Variants in IFT140 observed in about 807,000 individuals in gnomAD.
The protein encoded by IFT140 is intraflagellar transport 140, also known as intraflagellar transport protein 140 homolog.
A neutral mutation model predicts 164.6 loss-of-function variants in IFT140; 133 were observed. That is an observed-to-expected ratio of 0.81 (90% confidence interval 0.70 to 0.93). The LOEUF (loss-of-function observed/expected upper bound fraction) is 0.93, where lower values mean the gene tolerates loss of function less well. Ranked by LOEUF, IFT140 falls within the 40% of genes least tolerant of loss-of-function variation. IFT140 has a pLI of 0.00. For missense variants in IFT140, 2,045 were observed against 1,972.3 expected (o/e 1.04, Z -0.70); for synonymous variants, 860 against 817.3 (o/e 1.05, Z -0.89).
chr16:1,524,184 C>A lies in IFT140; in HGVS notation c.3142-228G>T, dbSNP rs112036444. 28 of 637,220 alleles carry A rather than the reference C, an allele frequency of 4.4e-5. No individual in the cohort carries two copies. The East Asian group carries it at 7.1e-4, about 16-fold the overall frequency. The allele number at this position is 637,220 out of a possible 1,614,324, so 39.5% of individuals were successfully genotyped here. ...AGAGCACTGCAAGAAATACCTGACA[C>A]GGGAGATGCTTCTGGAAGCGAGAGC... On this transcript the variant is annotated intron_variant, in intron 24 of 30. Coordinates refer to ENST00000426508, the MANE Select transcript of IFT140 (RefSeq NM_014714.4).
chr16:1,528,030 C>A lies in IFT140; in HGVS notation c.2400-1234G>T, dbSNP rs543279046. The stretch of plus-strand genomic sequence containing the variant: ...ATGACGCTGCATGAGAACCGTGTGT[C>A]CGCATGTGTGTGGGGGCACTCAGCC... On this transcript the variant is annotated intron_variant, in intron 19 of 30. Transcript: ENST00000426508. Among the ~76,000 whole-genome samples, 5 of 152,332 alleles carry A rather than the reference C, an allele frequency of 3.3e-5. No homozygotes were observed. In the South Asian group the frequency reaches 8.3e-4, roughly 25 times the overall value.
intron 19 of IFT140, 72 bp downstream of exon 19, chr16:1,557,863 G>T (rs2033185807): frequency 6.9e-7 from 1 of 1,455,532 alleles, no homozygotes; most frequent in Non-Finnish European, 9.6e-7. Context: ...GAACCAAGAA[G>T]GCAAACAGGG....
At chr16:1,520,834 G>A in intron 26 of IFT140, 26 bp from the exon 27 acceptor site, 1 of 1,588,078 alleles carries the variant, frequency 6.3e-7, no homozygotes, top group Non-Finnish European at 8.5e-7. Flanking sequence ...AATGGGACGG[G>A]GCTGCCGAGG....
intron 19 of IFT140, chr16:1,534,687 C>A: frequency 7.4e-7 from 1 of 1,345,628 alleles, no homozygotes; most frequent in East Asian, 2.3e-5. Context: ...GGCCTCTGGG[C>A]AGGCAGGAGG....
intron 20 of IFT140, 46 bp downstream of exon 20, chr16:1,526,573 G>C: frequency 6.9e-7 from 1 of 1,450,962 alleles, no homozygotes; most frequent in Non-Finnish European, 9.0e-7. Context: ...CGTGGCTGTG[G>C]CAGGCGTGGT....
chr16:1,581,066 T>C (rs1215339148), intron 12 of IFT140, among the ~76,000 whole-genome samples: 2 of 152,204 alleles, frequency 1.3e-5, no homozygotes, highest in African/African-American at 4.8e-5. Flanking sequence ...GTGCGGGTCC[T>C]GGGCTGATGT....
At chr16:1,557,848 C>T in intron 19 of IFT140, 87 bp downstream of exon 19, 1 of 1,311,990 alleles carries the variant, frequency 7.6e-7, no homozygotes, top group Non-Finnish European at 1.1e-6. Context: ...AATATTTCAA[C>T]AGGCGAACCA....
Position 1,518,218 on chromosome 16 carries a change from T to A in IFT140, c.4180A>T (p.Thr1394Ser), listed in dbSNP as rs1459983818. ...EHYVRKEEYQ[T>S]AYRFLEEMRR... ...AGTGAGCAGCACTCAGGCCTCACCGTCTGGTATTCCTCCTTCCGCACGTAG... is the reference window on the plus strand; with the variant it reads ...AGTGAGCAGCACTCAGGCCTCACCGACTGGTATTCCTCCTTCCGCACGTAG... The change falls in exon 30 of 31, where the codon ACG becomes TCG. Residue 1394 changes from threonine (T) to serine (S), a missense_variant and splice_region_variant. Transcript: ENST00000426508. 6.2e-7 allele frequency: 1 copy of A among 1,612,352 alleles called. No homozygotes were observed. The highest frequency in any genetic ancestry group is 8.5e-7 in the Non-Finnish European group (1 of 1,179,610).
At chr16:1,581,274 C>G (rs2034543016) in intron 12 of IFT140, among the ~76,000 whole-genome samples, 1 of 152,174 alleles carries the variant, frequency 6.6e-6, no homozygotes, top group South Asian at 2.1e-4. Context: ...TTTTTGCCAT[C>G]AACCACAATT....
chr16:1,570,045 T>C (rs1182014703), intron 14 of IFT140, among the ~76,000 whole-genome samples: 1 of 152,212 alleles, frequency 6.6e-6, no homozygotes, highest in African/African-American at 2.4e-5. Context: ...CCCTGCCATC[T>C]TTATGAGGTT....
chr16:1,566,360 G>C (rs139008917), intron 15 of IFT140, 69 bp from the exon 16 acceptor site: 1,285 of 1,516,794 alleles, frequency 8.5e-4, no homozygotes, highest in Non-Finnish European at 1.1e-3. Flanking sequence ...GCTGTGCTAG[G>C]GGACTGACAC....
chr16:1,558,001 T>A lies in IFT140; in HGVS notation c.2333A>T (p.His778Leu), dbSNP rs1281988427. The A allele has an allele frequency of 6.2e-7, 1 of 1,613,944 alleles. No individual in the cohort carries two copies. Among genetic ancestry groups the A allele is most frequent in the Admixed American group, 1.7e-5 (1 of 60,022 alleles). Reference sequence around the variant, plus strand: ...TCCTATGGTGACAAAGAAGCTGAAGTGGAGCATGGCGTCCCGGGTGGCCTT... The same window carrying A: ...TCCTATGGTGACAAAGAAGCTGAAGAGGAGCATGGCGTCCCGGGTGGCCTT... ...CDKATRDAMLHFSFFVTIGDM... is the reference protein window; with the variant it reads ...CDKATRDAMLLFSFFVTIGDM... Residue 778 changes from histidine (H) to leucine (L), a missense_variant, in exon 19 of 31, where the codon CAC (histidine) becomes CTC (leucine). Coordinates refer to ENST00000426508, the MANE Select transcript of IFT140 (RefSeq NM_014714.4).
intron 26 of IFT140, among the ~76,000 whole-genome samples, chr16:1,521,505 C>T (rs2040525744): frequency 6.6e-6 from 1 of 152,106 alleles, no homozygotes; most frequent in Admixed American, 6.5e-5. Flanking sequence ...TCTCCTGCCT[C>T]AGCCTACCAA....
chr16:1,606,812 T>TACACACACGCACCACACGC (rs2036084726), intron 3 of IFT140, among the ~76,000 whole-genome samples: 2 of 151,610 alleles, frequency 1.3e-5, no homozygotes, highest in South Asian at 2.1e-4. Flanking sequence ...CGTTTGAAAA[T>TACACACACGCACCACACGC]ACACACACGC....
At chr16:1,588,136 G>A in intron 7 of IFT140, 112 bp from the exon 8 acceptor site, 1 of 778,730 alleles carries the variant, frequency 1.3e-6, no homozygotes, top group South Asian at 1.7e-5. Context: ...CTCACCAAGT[G>A]GGGGAAACAT....
intron 16 of IFT140, among the ~76,000 whole-genome samples, chr16:1,565,687 G>C (rs1280970392): frequency 1.3e-5 from 2 of 152,224 alleles, no homozygotes; most frequent in African/African-American, 4.8e-5. Flanking sequence ...ACTTTGTGCA[G>C]AATCAGCCAT....
chr16:1,585,863 T>G lies in IFT140; in HGVS notation c.1155+267A>C, dbSNP rs571264699. Among the ~76,000 whole-genome samples, 3 of 149,360 alleles carry G rather than the reference T, an allele frequency of 2.0e-5. No homozygotes were observed. In the East Asian group the frequency reaches 6.1e-4, roughly 31 times the overall value. On this transcript the variant is annotated intron_variant, in intron 10 of 30. Transcript: ENST00000426508. ...TCGGCTCACTGCAAGCTCCAGCTCC[T>G]GGGTTCACGACATTCTCCTGCCGCA...
In IFT140 at chr16:1,526,653, C is replaced by A. The variant is rs746743309; in HGVS notation, c.2543G>T (p.Arg848Leu). The A allele has an allele frequency of 1.3e-6, 2 of 1,580,122 alleles. No individual in the cohort carries two copies. The highest frequency in any genetic ancestry group is 1.1e-5 in the South Asian group (1 of 88,004). The change falls in exon 20 of 31, where the codon CGC becomes CTC. Residue 848 changes from arginine (R) to leucine (L), a missense_variant. Coordinates refer to ENST00000426508, the MANE Select transcript of IFT140 (RefSeq NM_014714.4). ...CAGCTGCGTGGCCAGCACGGCCACG[C>A]GGGCCTCTAGCTCCGGCTCCTGCTC... ...EAEQEPELEA[R>L]VAVLATQLGM...
intron 18 of IFT140, among the ~76,000 whole-genome samples, chr16:1,561,240 T>C (rs568080251): frequency 3.3e-5 from 5 of 152,222 alleles, no homozygotes; most frequent in Non-Finnish European, 5.9e-5. Context: ...GGGCTGCTGT[T>C]CTGCAGAGAA....
Sources: gnomAD v4.1 joint callset for allele counts (sites outside exome capture counted in the v4.1 genomes callset) on GRCh38, gnomAD v4.1.1 for gene constraint, MANE v1.5 for transcripts, NCBI Gene and HGNC (gene_info 2026-07-23, HGNC 2026-07-21) for gene names.